PDK1: variants seen among roughly 807,000 people sequenced by gnomAD.
The protein encoded by PDK1 is pyruvate dehydrogenase kinase 1, also known as [Pyruvate dehydrogenase (acetyl-transferring)] kinase isozyme 1, mitochondrial.
PDK1 carries 39 observed loss-of-function variants against 54.2 expected under a neutral mutation model. That is an observed-to-expected ratio of 0.72 (90% CI 0.56 to 0.94). The LOEUF is 0.94. PDK1 is among the 40% of genes least tolerant of loss of function. The probability of loss-of-function intolerance (pLI) is 0.00; values close to 1 mark genes in which losing one functional copy is unlikely to be tolerated. For synonymous variants in PDK1, 221 were observed against 207.1 expected (o/e 1.07, Z -0.58); for missense variants, 552 against 566.0 (o/e 0.98, Z 0.25).
At chr2:172,569,964 T>C (rs768637240) in intron 7 of PDK1, among the ~76,000 whole-genome samples, 1 of 152,222 alleles carries the variant, frequency 6.6e-6, no homozygotes, top group Non-Finnish European at 1.5e-5. Flanking sequence ...CTCCGTATTA[T>C]ATTGTACATA....
intron 6 of PDK1, among the ~76,000 whole-genome samples, chr2:172,568,327 CAAAAAAAA>C (rs11400625): frequency 1.8e-5 from 1 of 57,110 alleles, no homozygotes; most frequent in Non-Finnish European, 3.5e-5. Context: ...GACTCCGTCT[CAAAAAAAA>C]AAAAAAAAAA....
chr2:172,653,336 C>T, the PDK1 span, among the ~76,000 whole-genome samples: 2 of 152,166 alleles, frequency 1.3e-5, no homozygotes, highest in African/African-American at 4.8e-5. Context: ...GGCGCAGTGG[C>T]TCATGCCTGT....
In PDK1 at chr2:172,595,929, G is replaced by A. The variant is rs147096480; in HGVS notation, c.1271G>A (p.Ser424Asn). ...GAGGCTGATGACTGGTGCGTCCCCA[G>A]CAGAGAACCCAAAGACATGACGACG... ...NHEADDWCVP[S>N]REPKDMTTFR... is the part of the protein sequence containing the mutation. Residue 424 changes from serine to asparagine, a missense_variant, in exon 11 of 11, where the codon AGC becomes AAC. Ser to Asn is a conservative substitution (Grantham distance 46). Transcript: ENST00000282077. The A allele has an allele frequency of 2.2e-4, 352 of 1,613,644 alleles. 1 individual carries two copies. Among genetic ancestry groups the A allele is most frequent in the Non-Finnish European group, 2.2e-4 (257 of 1,179,808 alleles).
chr2:172,674,982 C>T, the PDK1 span: 1 of 152,266 alleles, frequency 6.6e-6, no homozygotes, highest in Non-Finnish European at 1.5e-5. Flanking sequence ...TCACATTTGC[C>T]ACCATTATTT....
chr2:172,630,611 T>G, the PDK1 span, among the ~76,000 whole-genome samples: 1 of 147,308 alleles, frequency 6.8e-6, no homozygotes, highest in Non-Finnish European at 1.5e-5. Flanking sequence ...CATATCCACC[T>G]ATTTTTTACC....
At chr2:172,697,055 T>C in the PDK1 span, among the ~76,000 whole-genome samples, 5 of 152,226 alleles carry the variant, frequency 3.3e-5, no homozygotes, top group Admixed American at 3.3e-4. Flanking sequence ...GTAAAACTGG[T>C]GAATTTGTAA....
chr2:172,588,286 T>G (rs1690373690), intron 9 of PDK1, among the ~76,000 whole-genome samples: 1 of 152,180 alleles, frequency 6.6e-6, no homozygotes, highest in Admixed American at 6.5e-5. Context: ...ATTGTAGAAT[T>G]TTTATGGAGA....
intron 10 of PDK1, among the ~76,000 whole-genome samples, chr2:172,594,589 A>T (rs1690790505): frequency 6.6e-6 from 1 of 152,236 alleles, no homozygotes; most frequent in Admixed American, 6.5e-5. Flanking sequence ...AGCTTGATCT[A>T]GCCTGTAGAT....
the PDK1 span, among the ~76,000 whole-genome samples, chr2:172,616,064 G>A: frequency 5.3e-5 from 8 of 152,266 alleles, no homozygotes; most frequent in African/African-American, 1.9e-4. Context: ...AGACCACATT[G>A]AGGTTCTATT....
At chr2:172,635,378 C>T in the PDK1 span, among the ~76,000 whole-genome samples, 3 of 152,138 alleles carry the variant, frequency 2.0e-5, no homozygotes, top group African/African-American at 4.8e-5. Flanking sequence ...CGCAATGGTG[C>T]GATCTTGGCT....
the PDK1 span, among the ~76,000 whole-genome samples, chr2:172,688,169 T>C: frequency 2.0e-5 from 3 of 152,316 alleles, no homozygotes; most frequent in East Asian, 5.8e-4. Flanking sequence ...ATAGCACCTA[T>C]CCTTGCAGAG....
chr2:172,626,656 TG>T, the PDK1 span, among the ~76,000 whole-genome samples: 1 of 151,874 alleles, frequency 6.6e-6, no homozygotes, highest in Non-Finnish European at 1.5e-5. Context: ...TAGCCCAGTG[TG>T]GTAGTGCATT....
At chr2:172,636,458 G>T in the PDK1 span, among the ~76,000 whole-genome samples, 78 of 152,248 alleles carry the variant, frequency 5.1e-4, 1 homozygote, top group Middle Eastern at 6.8e-3. Flanking sequence ...GATGGCTCAT[G>T]CCTGTAATTC....
At chr2:172,708,357 A>G in the PDK1 span, among the ~76,000 whole-genome samples, 1 of 152,212 alleles carries the variant, frequency 6.6e-6, no homozygotes, top group Non-Finnish European at 1.5e-5. Context: ...AACTCTAAGG[A>G]AAACAAAAAC....
chr2:172,569,893 A>G (rs1273102994), intron 7 of PDK1, among the ~76,000 whole-genome samples: 4 of 152,174 alleles, frequency 2.6e-5, no homozygotes, highest in Non-Finnish European at 5.9e-5. Context: ...TCAAGCATTA[A>G]CACGAATTTT....
At chr2:172,661,170 G>T in the PDK1 span, among the ~76,000 whole-genome samples, 1 of 152,010 alleles carries the variant, frequency 6.6e-6, no homozygotes, top group Non-Finnish European at 1.5e-5. Context: ...GAATGTAGCT[G>T]TGCTTACAGT....
rs1302361437 is a variant in PDK1, at chr2:172,570,749, A to G, written c.870A>G (p.Glu290=). 5.0e-6 allele frequency: 8 copies of G among 1,609,050 alleles called. No individual in the cohort carries two copies. In the Admixed American group the frequency reaches 8.3e-5, roughly 17 times the overall value. ...AGAATGCAATGAGAGCCACTATGGA[A>G]CACCATGCCAACAGAGGTGTTTACC... ...LFKNAMRATM[E]HHANRGVYPP... Residue 290 remains glutamate, a synonymous_variant, in exon 8 of 11, where the codon GAA becomes GAG. Transcript: ENST00000282077.
chr2:172,596,160 A>C lies in PDK1; in HGVS notation c.*191A>C. ...AAGGATGAAATTGCACCTATTTTAC[A>C]CTTATATTTTCACAGTTAATTGAAC... On this transcript the variant is annotated 3_prime_UTR_variant, in exon 11 of 11. Coordinates refer to ENST00000282077, the MANE Select transcript of PDK1 (RefSeq NM_002610.5). 2.2e-6 allele frequency: 1 copy of C among 457,628 alleles called. No homozygotes were observed. The highest frequency in any genetic ancestry group is 3.9e-6 in the Non-Finnish European group (1 of 258,378). 28.3% of individuals were successfully genotyped at this position (457,628 alleles called of 1,614,324 possible). A position where few individuals can be genotyped will look rare whatever the true frequency, so the allele number is the denominator to read the frequency against.
chr2:172,609,350 T>C (rs929825226), downstream of PDK1, among the ~76,000 whole-genome samples: 29 of 152,328 alleles, frequency 1.9e-4, no homozygotes, highest in African/African-American at 6.7e-4. Flanking sequence ...TTCCTCCTCA[T>C]CAGTGTAAAC....
Sources: gnomAD v4.1 joint callset for allele counts (sites outside exome capture counted in the v4.1 genomes callset) on GRCh38, gnomAD v4.1.1 for gene constraint, MANE v1.5 for transcripts, NCBI Gene and HGNC (gene_info 2026-07-23, HGNC 2026-07-21) for gene names.